Variants in PPIP5K2 observed in about 807,000 individuals in gnomAD.
PPIP5K2 encodes inositol hexakisphosphate and diphosphoinositol-pentakisphosphate kinase 2.
PPIP5K2 carries 105 observed loss-of-function variants against 154.6 expected under a neutral mutation model. The observed-to-expected ratio is 0.68, with a 90% confidence interval of 0.58 to 0.80. PPIP5K2 has a LOEUF of 0.80. Among genes scored for constraint, PPIP5K2 ranks in the 30% least tolerant of loss-of-function variants. PPIP5K2 has a pLI of 0.00. For synonymous variants in PPIP5K2, 480 were observed against 490.3 expected (o/e 0.98, Z 0.28); for missense variants, 992 against 1,504.6 (o/e 0.66, Z 5.64).
At position 103,212,686 on chromosome 5, in the gene PPIP5K2, G is replaced by A. The variant is rs1047080629; in HGVS notation, c.*11052G>A. On this transcript the variant is annotated 3_prime_UTR_variant, in exon 31 of 31. Transcript: ENST00000358359. ...TGTATTCTAAAATGTTATTGTGTATGTTATAAAAGCTTTGTAAAATAAAGT... is the reference window on the plus strand; with the variant it reads ...TGTATTCTAAAATGTTATTGTGTATATTATAAAAGCTTTGTAAAATAAAGT... The A allele has an allele frequency of 6.6e-6, 1 of 152,104 alleles. No homozygotes were observed. Among genetic ancestry groups the A allele is most frequent in the Non-Finnish European group, 1.5e-5 (1 of 67,964 alleles). The allele number at this position is 152,104 out of a possible 1,614,324, so 9.4% of individuals were successfully genotyped here.
At chr5:103,161,634 T>G (rs1204749374) in intron 17 of PPIP5K2, among the ~76,000 whole-genome samples, 3 of 152,310 alleles carry the variant, frequency 2.0e-5, no homozygotes, top group African/African-American at 7.2e-5. Context: ...GTTTCCTGAC[T>G]TTTTAATGAT....
At chr5:103,127,377 C>T (rs767985558) in intron 1 of PPIP5K2, among the ~76,000 whole-genome samples, 27 of 152,104 alleles carry the variant, frequency 1.8e-4, no homozygotes, top group Non-Finnish European at 3.2e-4. Context: ...CACACTAAAA[C>T]AGAAAATGTC....
At chr5:103,174,159 A>C (rs1798371848) in intron 21 of PPIP5K2, 187 bp downstream of exon 21, 2 of 472,218 alleles carry the variant, frequency 4.2e-6, no homozygotes, top group Non-Finnish European at 7.4e-6. Flanking sequence ...TTCTCTTCAG[A>C]GAAGATACAT....
intron 19 of PPIP5K2, among the ~76,000 whole-genome samples, chr5:103,171,104 A>G (rs1797915509): frequency 6.6e-6 from 1 of 151,468 alleles, no homozygotes; most frequent in Non-Finnish European, 1.5e-5. Flanking sequence ...AATCATTTCT[A>G]GGCTTAAATG....
intron 17 of PPIP5K2, among the ~76,000 whole-genome samples, chr5:103,166,804 T>C (rs1327040757): frequency 3.9e-5 from 6 of 152,086 alleles, no homozygotes; most frequent in Admixed American, 3.3e-4. Context: ...AGGAAGAGAA[T>C]ATATTTACTA....
intron 17 of PPIP5K2, among the ~76,000 whole-genome samples, chr5:103,161,824 T>A (rs1008348810): frequency 6.6e-6 from 1 of 152,024 alleles, no homozygotes; most frequent in Admixed American, 6.5e-5. Context: ...TGTAAATTTC[T>A]TTGAGTTCTT....
At chr5:103,201,236 A>T (rs1554230171) in intron 30 of PPIP5K2, among the ~76,000 whole-genome samples, 1 of 152,240 alleles carries the variant, frequency 6.6e-6, no homozygotes, top group Non-Finnish European at 1.5e-5. Context: ...AATCATTAGC[A>T]CAATGGATGG....
intron 21 of PPIP5K2, among the ~76,000 whole-genome samples, chr5:103,175,797 T>G (rs1199289235): frequency 2.0e-5 from 3 of 152,082 alleles, no homozygotes; most frequent in African/African-American, 4.8e-5. Context: ...TAGAGTTTTT[T>G]GGGCATATAT....
rs1315525367 is a variant in PPIP5K2 at position 103,209,085 on chromosome 5, T to C, written c.*7451T>C. On this transcript the variant is annotated 3_prime_UTR_variant, in exon 31 of 31. Transcript: ENST00000358359. Reference sequence around the variant, plus strand: ...TTAATATCTGTCCTGCTAACAGTAGTGTTGTCAGAATCAAATGAAATAATA... The same window carrying C: ...TTAATATCTGTCCTGCTAACAGTAGCGTTGTCAGAATCAAATGAAATAATA... 1 of 152,186 alleles carries C rather than the reference T, an allele frequency of 6.6e-6. No individual in the cohort carries two copies. The highest frequency in any genetic ancestry group is 6.5e-5 in the Admixed American group (1 of 15,274). The allele number at this position is 152,186 out of a possible 1,614,324, so 9.4% of individuals were successfully genotyped here. A position where few individuals can be genotyped will look rare whatever the true frequency, so the allele number is the denominator to read the frequency against.
At chr5:103,186,657 GT>G (rs1554225248) in intron 27 of PPIP5K2, among the ~76,000 whole-genome samples, 1 of 152,166 alleles carries the variant, frequency 6.6e-6, no homozygotes, top group African/African-American at 2.4e-5. Flanking sequence ...TGTACAATAA[GT>G]TTGTTGAAAT....
At chr5:103,143,668 C>T (rs181061132) in intron 5 of PPIP5K2, among the ~76,000 whole-genome samples, 116 of 152,172 alleles carry the variant, frequency 7.6e-4, no homozygotes, top group Admixed American at 4.2e-3. Flanking sequence ...AAATAAGATC[C>T]AACTCTATAC....
At chr5:103,189,399 GAAATA>G (rs1800878760) in intron 28 of PPIP5K2, among the ~76,000 whole-genome samples, 3 of 152,022 alleles carry the variant, frequency 2.0e-5, no homozygotes, top group African/African-American at 2.4e-5. Flanking sequence ...GCAGGCAAAT[GAAATA>G]AAATAATTGC....
chr5:103,211,534 A>G lies in PPIP5K2; in HGVS notation c.*9900A>G, dbSNP rs149809743. The stretch of plus-strand genomic sequence containing the variant: ...TAGCCTTGGAGATTCTACCTTAAAA[A>G]TATCATTGAGAAAGCTCAGAGAACT... On this transcript the variant is annotated 3_prime_UTR_variant, in exon 31 of 31. Transcript: ENST00000358359. 94 of 152,238 alleles carry G rather than the reference A, an allele frequency of 6.2e-4. 1 individual carries two copies. Among genetic ancestry groups the G allele is most frequent in the African/African-American group, 2.2e-3 (92 of 41,566 alleles). 9.4% of individuals were successfully genotyped at this position (152,238 alleles called of 1,614,324 possible). A position where few individuals can be genotyped will look rare whatever the true frequency, so the allele number is the denominator to read the frequency against.
intron 30 of PPIP5K2, among the ~76,000 whole-genome samples, chr5:103,199,242 C>G (rs1363197480): frequency 6.6e-6 from 1 of 152,114 alleles, no homozygotes; most frequent in Non-Finnish European, 1.5e-5. Context: ...ATTTTTTGCT[C>G]TCTATTCCTT....
At position 103,203,188 on chromosome 5, in the gene PPIP5K2, T is replaced by C. The variant is rs1468533905; in HGVS notation, c.*1554T>C. 6.6e-6 allele frequency: 1 copy of C among 152,558 alleles called. No homozygotes were observed. Among genetic ancestry groups the C allele is most frequent in the East Asian group, 1.9e-4 (1 of 5,196 alleles). The allele number at this position is 152,558 out of a possible 1,614,324, so 9.5% of individuals were successfully genotyped here. A position where few individuals can be genotyped will look rare whatever the true frequency, so the allele number is the denominator to read the frequency against. On this transcript the variant is annotated 3_prime_UTR_variant, in exon 31 of 31. Transcript: ENST00000358359. ...ACTTTTTTTTTAAAGTGGAACCTAATTAAAATATTTCCAGAATCAAAGAGA... is the reference window on the plus strand; with the variant it reads ...ACTTTTTTTTTAAAGTGGAACCTAACTAAAATATTTCCAGAATCAAAGAGA...
intron 4 of PPIP5K2, among the ~76,000 whole-genome samples, 196 bp from the exon 5 acceptor site, chr5:103,138,188 T>C (rs1791896580): frequency 6.6e-6 from 1 of 152,200 alleles, no homozygotes; most frequent in East Asian, 1.9e-4. Context: ...TTTGTGTTCT[T>C]ATTGCTGAAT....
chr5:103,171,054 A>C (rs1797911024), intron 19 of PPIP5K2, among the ~76,000 whole-genome samples: 1 of 151,518 alleles, frequency 6.6e-6, no homozygotes, highest in South Asian at 2.1e-4. Flanking sequence ...ACATTGATTG[A>C]TTAATTTTTA....
At position 103,201,624 on chromosome 5, in the gene PPIP5K2, A is replaced by G; in HGVS notation, c.3722A>G (p.Lys1241Arg). Residue 1241 changes from lysine to arginine, a missense_variant, in exon 31 of 31, where the codon AAA becomes AGA. By Grantham distance (26) the Lys-to-Arg change is conservative (BLOSUM62 2). This residue lies in a region of PPIP5K2 where 131 missense variants were observed against 117.8 expected (regional missense o/e 1.11). Coordinates refer to ENST00000358359, the MANE Select transcript of PPIP5K2 (RefSeq NM_001276277.3). ...ETHEHKKNTGKKK is the reference protein window; with the variant it reads ...ETHEHKKNTGRKK ...CATGAACACAAAAAAAACACTGGGA[A>G]AAAGAAATGAAATCTTAGCAGAAGC... The G allele has an allele frequency of 6.3e-7, 1 of 1,589,320 alleles. No individual in the cohort carries two copies. The highest frequency in any genetic ancestry group is 2.2e-5 in the East Asian group (1 of 44,628).
At chr5:103,200,957 T>C (rs933763025) in intron 30 of PPIP5K2, among the ~76,000 whole-genome samples, 1 of 152,168 alleles carries the variant, frequency 6.6e-6, no homozygotes, top group African/African-American at 2.4e-5. Flanking sequence ...TTTTTGATAA[T>C]TCATGAAGAC....
Sources: allele counts gnomAD v4.1 joint callset (sites outside exome capture counted in the v4.1 genomes callset), GRCh38; gene constraint gnomAD v4.1.1; regional missense constraint gnomAD v4.1.1; transcripts MANE v1.5; gene names NCBI Gene and HGNC (gene_info 2026-07-23, HGNC 2026-07-21).